Variants in GNL2 observed in about 807,000 individuals in gnomAD.
The protein encoded by GNL2 is nucleolar GTP-binding protein 2.
GNL2 carries 51 observed loss-of-function variants against 92.3 expected under a neutral mutation model. The observed-to-expected ratio is 0.55, with a 90% CI of 0.44 to 0.70. The LOEUF (loss-of-function observed/expected upper bound fraction) is 0.70. Among genes scored for constraint, GNL2 ranks in the 30% least tolerant of loss-of-function variants. GNL2 has a pLI of 0.00. For missense variants in GNL2, 844 were observed against 895.6 expected (o/e 0.94, Z 0.74); for synonymous variants, 283 against 300.6 (o/e 0.94, Z 0.61).
At chr1:37,567,800 T>C (rs373628584) in intron 14 of GNL2, 36 bp from the exon 15 acceptor site, 181 of 1,535,936 alleles carry the variant, frequency 1.2e-4, no homozygotes, top group Middle Eastern at 6.8e-4. Flanking sequence ...GAATTTTCTA[T>C]TGAAAATTTG....
At chr1:37,568,522 G>A in intron 13 of GNL2, 165 bp from the exon 14 acceptor site, 2 of 611,318 alleles carry the variant, frequency 3.3e-6, no homozygotes, top group Non-Finnish European at 2.9e-6. Context: ...CTCCCTGGGT[G>A]TTTCTAAAGC....
In GNL2 at chr1:37,595,752, C is replaced by T. The variant is rs1194034942; in HGVS notation, c.64+7G>A. On this transcript the variant is annotated splice_region_variant and intron_variant, in intron 1 of 15. Coordinates refer to ENST00000373062, the MANE Select transcript of GNL2 (RefSeq NM_013285.3). ...GCTCCACCCTCGATCAGCCCTGCCGCCTGTACCTGGGTTTGTGCTGGCCTT... is the reference window on the plus strand; with the variant it reads ...GCTCCACCCTCGATCAGCCCTGCCGTCTGTACCTGGGTTTGTGCTGGCCTT... The T allele has an allele frequency of 1.9e-6, 3 of 1,613,592 alleles. No individual in the cohort carries two copies. The highest frequency in any genetic ancestry group is 2.7e-5 in the African/African-American group (2 of 74,926).
In GNL2 at chr1:37,569,159, T is replaced by C. The variant is rs1249992225; in HGVS notation, c.1560A>G (p.Thr520=). ...TEENSHCDAN[T]EMQQILTRVR... ...CTCGTGTGAGAATCTGCTGCATCTC[T>C]GTGTTAGCATCACAGTGACTGTTCT... The change falls in exon 13 of 16, where the codon ACA becomes ACG. Residue 520 remains threonine (T), a synonymous_variant. Coordinates refer to ENST00000373062, the MANE Select transcript of GNL2 (RefSeq NM_013285.3). 1 of 1,614,194 alleles carries C rather than the reference T, an allele frequency of 6.2e-7. No individual in the cohort carries two copies. The highest frequency in any genetic ancestry group is 8.5e-7 in the Non-Finnish European group (1 of 1,180,022).
Position 37,595,911 on chromosome 1 carries a change from G to A in GNL2, c.-89C>T. 4 of 1,088,018 alleles carry A rather than the reference G, an allele frequency of 3.7e-6. No homozygotes were observed. Among genetic ancestry groups the A allele is most frequent in the East Asian group, 4.9e-5 (2 of 41,178 alleles). The allele number at this position is 1,088,018 out of a possible 1,614,324, so 67.4% of individuals were successfully genotyped here. A position where few individuals can be genotyped will look rare whatever the true frequency, so the allele number is the denominator to read the frequency against. On this transcript the variant is annotated 5_prime_UTR_variant, in exon 1 of 16. Transcript: ENST00000373062. ...TTCCCAAGCCCGGCCGAAGACACCC[G>A]CCTGAACCACGCCGGACCACGTGTG...
intron 10 of GNL2, 53 bp from the exon 11 acceptor site, chr1:37,574,876 A>G (rs1643653989): frequency 1.4e-5 from 19 of 1,316,720 alleles, no homozygotes. Context: ...GGAAGCAGTG[A>G]AGTTCCCAGT....
intron 4 of GNL2, among the ~76,000 whole-genome samples, chr1:37,588,071 C>T (rs1643867456): frequency 6.6e-6 from 1 of 152,018 alleles, no homozygotes; most frequent in Non-Finnish European, 1.5e-5. Context: ...ATTTAGGTAA[C>T]GTTTTTATTA....
chr1:37,594,325 T>A (rs1643908302), intron 1 of GNL2, among the ~76,000 whole-genome samples: 1 of 152,182 alleles, frequency 6.6e-6, no homozygotes, highest in South Asian at 2.1e-4. Context: ...TGTCTCAGTT[T>A]AACAAATATT....
At chr1:37,571,525 C>T (rs956430280) in intron 12 of GNL2, among the ~76,000 whole-genome samples, 3 of 152,142 alleles carry the variant, frequency 2.0e-5, no homozygotes, top group Non-Finnish European at 2.9e-5. Context: ...TCTCCCTGTC[C>T]GTGACTTCAC....
At position 37,575,752 on chromosome 1, in the gene GNL2, T is replaced by C; in HGVS notation, c.1039-53A>G. On this transcript the variant is annotated intron_variant, in intron 9 of 15. Transcript: ENST00000373062. The surrounding 1 kb of genome is among the most constrained non-coding windows in gnomAD (Gnocchi z 4.1). ...CCTGTATCAAACACTAAGAGTCTAA[T>C]TTCACAAACCCCTGATGCTCATGTA... The C allele has an allele frequency of 8.9e-7, 1 of 1,121,426 alleles. No homozygotes were observed. Among genetic ancestry groups the C allele is most frequent in the Non-Finnish European group, 1.3e-6 (1 of 760,644 alleles). 69.5% of individuals were successfully genotyped at this position (1,121,426 alleles called of 1,614,324 possible).
At chr1:37,585,935 A>C (rs933926687) in intron 5 of GNL2, among the ~76,000 whole-genome samples, 3 of 152,204 alleles carry the variant, frequency 2.0e-5, no homozygotes, top group Admixed American at 2.0e-4. Flanking sequence ...GCAATGTGGC[A>C]GCTGCCTATC....
rs1471426646 is a variant in GNL2 at position 37,593,780 on chromosome 1, T to C, written c.131A>G (p.Tyr44Cys). 1.5e-5 allele frequency: 24 copies of C among 1,613,622 alleles called. No individual in the cohort carries two copies. Among genetic ancestry groups the C allele is most frequent in the Non-Finnish European group, 1.7e-5 (20 of 1,179,626 alleles). The change falls in exon 2 of 16, where the codon TAT (tyrosine) becomes TGT (cysteine). Residue 44 changes from tyrosine to cysteine, a missense_variant. By Grantham distance (194) the Tyr-to-Cys change is radical. Transcript: ENST00000373062. ...DRATIRRLNM[Y>C]RQKERRNSRG... is the part of the protein sequence containing the mutation. ...TGCTCACCTGCGCTCCTTTTGCCTATACATATTCAGGCGCCGGATGGTGGC... is the reference window on the plus strand; with the variant it reads ...TGCTCACCTGCGCTCCTTTTGCCTACACATATTCAGGCGCCGGATGGTGGC...
At chr1:37,577,107 CAA>C (rs544174738) in intron 8 of GNL2, among the ~76,000 whole-genome samples, 13 of 91,124 alleles carry the variant, frequency 1.4e-4, no homozygotes, top group Non-Finnish European at 1.4e-4. Context: ...ACTCCAGTCT[CAA>C]AAAAAAAAAA....
intron 5 of GNL2, among the ~76,000 whole-genome samples, chr1:37,585,334 C>T (rs747342465): frequency 5.9e-5 from 9 of 152,068 alleles, no homozygotes; most frequent in Non-Finnish European, 1.3e-4. Context: ...GCTAGCATTA[C>T]AGGTGTGAGC....
intron 8 of GNL2, among the ~76,000 whole-genome samples, chr1:37,578,951 G>C (rs1044805432): frequency 6.6e-6 from 1 of 151,930 alleles, no homozygotes; most frequent in African/African-American, 2.4e-5. Flanking sequence ...AGCCATGATC[G>C]CACCACTGCA....
At chr1:37,582,688 C>T in intron 7 of GNL2, 90 bp downstream of exon 7, 1 of 1,088,596 alleles carries the variant, frequency 9.2e-7, no homozygotes, top group Non-Finnish European at 1.3e-6. Context: ...ACTACAATCT[C>T]AGCCGGACAA....
chr1:37,568,002 C>A (rs1643534226), intron 14 of GNL2: 4 of 588,542 alleles, frequency 6.8e-6, no homozygotes, highest in Admixed American at 6.0e-5. Context: ...AGGAAACACA[C>A]CCCCCTCTTT....
intron 4 of GNL2, among the ~76,000 whole-genome samples, chr1:37,589,453 C>T (rs1374198705): frequency 1.3e-5 from 2 of 152,232 alleles, no homozygotes; most frequent in South Asian, 2.1e-4. Context: ...TACAGGTGCC[C>T]GCCACCACGC....
chr1:37,582,961 G>C (rs747466405), intron 6 of GNL2, 25 bp from the exon 7 acceptor site: 21 of 1,577,458 alleles, frequency 1.3e-5, no homozygotes, highest in Non-Finnish European at 1.7e-5. Context: ...AGGCAAAAAT[G>C]GTTTGCTACA....
Position 37,568,860 on chromosome 1 carries a change from G to A in GNL2, c.1859C>T (p.Ser620Leu), listed in dbSNP as rs1179539887. 1 of 1,610,036 alleles carries A rather than the reference G, an allele frequency of 6.2e-7. No individual in the cohort carries two copies. Among genetic ancestry groups the A allele is most frequent in the African/African-American group, 1.3e-5 (1 of 74,658 alleles). The change falls in exon 13 of 16, where the codon TCA (serine) becomes TTA (leucine). Residue 620 changes from serine to leucine, a missense_variant. Transcript: ENST00000373062. ...FLDKAKAKKFSAVRISKGLSE... is the reference protein window; with the variant it reads ...FLDKAKAKKFLAVRISKGLSE... The stretch of plus-strand genomic sequence containing the variant: ...AAGATGAAAATATTACCTGACTGCT[G>A]AAAACTTTTTGGCTTTGGCTTTGTC...
Sources: gnomAD v4.1 joint callset for allele counts (sites outside exome capture counted in the v4.1 genomes callset) on GRCh38, gnomAD v4.1.1 for gene constraint, Gnocchi (gnomAD v3.1) non-coding constraint, MANE v1.5 for transcripts, NCBI Gene and HGNC (gene_info 2026-07-23, HGNC 2026-07-21) for gene names.